DIDO1: variants seen among roughly 807,000 people sequenced by gnomAD.
The protein encoded by DIDO1 is death inducer-obliterator 1.
In DIDO1, 16 loss-of-function variants were observed where a neutral mutation model predicts 99.4. That is an observed-to-expected ratio of 0.16 (90% CI 0.11 to 0.24). The LOEUF (loss-of-function observed/expected upper bound fraction) is 0.24. Ranked by LOEUF, DIDO1 falls within the 10% of genes least tolerant of loss-of-function variation. DIDO1 has a pLI of 1.00. For missense variants in DIDO1, 2,996 were observed against 3,014.0 expected (o/e 0.99, Z 0.14); for synonymous variants, 1,366 against 1,239.1 (o/e 1.10, Z -2.15).
chr20:62,905,281 T>C, intron 6 of DIDO1: 1 of 1,374,960 alleles, frequency 7.3e-7, no homozygotes, highest in Non-Finnish European at 9.4e-7. Context: ...AGCAGGAGTG[T>C]GTGGCCTTCG....
intron 6 of DIDO1, chr20:62,905,584 A>G (rs768957715): frequency 2.6e-6 from 4 of 1,551,086 alleles, no homozygotes; most frequent in Middle Eastern, 1.7e-4. Context: ...TGAAGAGAAT[A>G]CGAATACTTA....
chr20:62,928,640 T>G (rs879719237), upstream of DIDO1: 2 of 152,248 alleles, frequency 1.3e-5, no homozygotes, highest in Non-Finnish European at 2.9e-5. Context: ...CTAACCGAAT[T>G]TATTTTAAAA....
At chr20:62,926,782 CAG>C (rs1394190184), upstream of DIDO1, among the ~76,000 whole-genome samples, 283 of 152,376 alleles carry the variant, frequency 1.9e-3, 1 homozygote, top group African/African-American at 6.5e-3. Context: ...GGGCAGGGCG[CAG>C]GCGGAACGTG....
At chr20:62,893,621 TAA>T in intron 12 of DIDO1, 43 bp downstream of exon 12, 1 of 1,492,156 alleles carries the variant, frequency 6.7e-7, no homozygotes, top group Non-Finnish European at 9.0e-7. Context: ...TTCGTTAATC[TAA>T]AAAAAAAGTT....
chr20:62,880,727 C>G lies in DIDO1; in HGVS notation c.5229G>C (p.Val1743=). The G allele has an allele frequency of 2.5e-6, 4 of 1,612,726 alleles. No individual in the cohort carries two copies. The highest frequency in any genetic ancestry group is 3.4e-6 in the Non-Finnish European group (4 of 1,179,884). Residue 1743 remains valine (V), a synonymous_variant, in exon 16 of 16, where the codon GTG becomes GTC. Coordinates refer to ENST00000395343, the MANE Select transcript of DIDO1 (RefSeq NM_001193369.2). ...CCTGAAACGGGGGCTGAGAGCCCCC[C>G]ACTTTCTGTCCTGGTGGGGGGAGCG... ...TAPLPPPGQK[V]GGSQPPFQGQ... is the part of the protein sequence containing the mutation.
At chr20:62,907,480 A>G in intron 4 of DIDO1, 121 bp from the exon 5 acceptor site, 1 of 922,824 alleles carries the variant, frequency 1.1e-6, no homozygotes, top group South Asian at 1.6e-5. Flanking sequence ...AGATACTAAC[A>G]GTACTTTTAA....
upstream of DIDO1, among the ~76,000 whole-genome samples, chr20:62,929,959 C>T (rs886352953): frequency 1.3e-5 from 2 of 151,824 alleles, no homozygotes; most frequent in African/African-American, 2.4e-5. Context: ...ATCTGCCAGG[C>T]GCGGTGGTTC....
At chr20:62,882,522 T>C in intron 15 of DIDO1, 108 bp from the exon 16 acceptor site, 1 of 1,082,110 alleles carries the variant, frequency 9.2e-7, no homozygotes, top group Non-Finnish European at 1.3e-6. Context: ...TAGACAAAAA[T>C]AAGCCATTCT....
upstream of DIDO1, chr20:62,928,768 A>G (rs1422089894): frequency 6.6e-6 from 1 of 152,248 alleles, no homozygotes; most frequent in Non-Finnish European, 1.5e-5. Context: ...GATGTGGCCC[A>G]GAAAGCAGGA....
Position 62,911,748 on chromosome 20 carries a change from G to T in DIDO1, c.-2-134C>A. 1 of 717,060 alleles carries T rather than the reference G, an allele frequency of 1.4e-6. No individual in the cohort carries two copies. The highest frequency in any genetic ancestry group is 2.2e-6 in the Non-Finnish European group (1 of 455,234). The allele number at this position is 717,060 out of a possible 1,614,324, so 44.4% of individuals were successfully genotyped here. A position where few individuals can be genotyped will look rare whatever the true frequency, so the allele number is the denominator to read the frequency against. On this transcript the variant is annotated intron_variant, in intron 2 of 15. Transcript: ENST00000395343. The surrounding 1 kb of genome is among the most constrained non-coding windows in gnomAD (Gnocchi z 7.0). ...TACATAAAGCAAGTCCTTCTGACCA[G>T]TGTTTCCTAATGTGTGCTATGTGAG...
chr20:62,936,231 G>A (rs2065381911), intron 1 of DIDO1, among the ~76,000 whole-genome samples: 2 of 152,076 alleles, frequency 1.3e-5, no homozygotes, highest in African/African-American at 2.4e-5. Flanking sequence ...TGGGCAAGAA[G>A]GCAAGACCCC....
chr20:62,905,485 C>T (rs923223005), intron 6 of DIDO1: 40 of 1,548,834 alleles, frequency 2.6e-5, no homozygotes, highest in Admixed American at 2.2e-4. Flanking sequence ...AAAACTGAAG[C>T]GTATACAGCG....
intron 6 of DIDO1, among the ~76,000 whole-genome samples, chr20:62,898,187 G>T (rs1442877826): frequency 6.6e-6 from 1 of 152,194 alleles, no homozygotes; most frequent in Non-Finnish European, 1.5e-5. Context: ...AATAAATGAG[G>T]TAAGTCTGAA....
chr20:62,925,886 G>C (rs2065242767), intron 1 of DIDO1, among the ~76,000 whole-genome samples: 2 of 152,294 alleles, frequency 1.3e-5, no homozygotes, highest in South Asian at 4.1e-4. Context: ...AAGCGAATCC[G>C]GGCTCTTCGC....
At chr20:62,895,863 G>T (rs1568846974) in intron 8 of DIDO1, among the ~76,000 whole-genome samples, 1 of 152,212 alleles carries the variant, frequency 6.6e-6, no homozygotes, top group African/African-American at 2.4e-5. Flanking sequence ...GGTGGAAAAG[G>T]CTGTCTGAGG....
At chr20:62,886,287 C>T (rs2064296726) in intron 15 of DIDO1, among the ~76,000 whole-genome samples, 1 of 152,198 alleles carries the variant, frequency 6.6e-6, no homozygotes, top group African/African-American at 2.4e-5. Flanking sequence ...GTGGATGTTC[C>T]CCCAACGCCC....
At chr20:62,921,413 G>C (rs1418597311) in intron 1 of DIDO1, among the ~76,000 whole-genome samples, 11 of 152,148 alleles carry the variant, frequency 7.2e-5, no homozygotes, top group Admixed American at 2.0e-4. Context: ...AGGCCATTCC[G>C]GTTCAGTCAG....
chr20:62,897,651 TAAGTG>T (rs574669674), intron 6 of DIDO1, among the ~76,000 whole-genome samples: 280 of 152,294 alleles, frequency 1.8e-3, no homozygotes, highest in African/African-American at 6.5e-3. Flanking sequence ...GTAATTCCAT[TAAGTG>T]AAGTATGAAT....
At chr20:62,893,053 A>C (rs2064433617) in intron 12 of DIDO1, 91 bp from the exon 13 acceptor site, 3 of 1,374,686 alleles carry the variant, frequency 2.2e-6, no homozygotes, top group Middle Eastern at 2.2e-4. Flanking sequence ...TTGAGACAGG[A>C]TCTCATTCTG....
Sources: allele counts gnomAD v4.1 joint callset (sites outside exome capture counted in the v4.1 genomes callset), GRCh38; gene constraint gnomAD v4.1.1; non-coding constraint Gnocchi (gnomAD v3.1); transcripts MANE v1.5; gene names NCBI Gene and HGNC (gene_info 2026-07-23, HGNC 2026-07-21).